PPP2R2B: variants seen among roughly 807,000 people sequenced by gnomAD.
PPP2R2B encodes the protein protein phosphatase 2 regulatory subunit Bbeta, also known as serine/threonine-protein phosphatase 2A 55 kDa regulatory subunit B beta isoform.
In PPP2R2B, 5 loss-of-function variants were observed where a neutral mutation model predicts 46.0. The observed-to-expected ratio is 0.11, with a 90% CI of 0.06 to 0.23. The LOEUF (loss-of-function observed/expected upper bound fraction) is 0.23. Among genes scored for constraint, PPP2R2B ranks in the 10% least tolerant of loss-of-function variants. The pLI, the probability that PPP2R2B is intolerant of heterozygous loss-of-function variation, is 1.00. For missense variants in PPP2R2B, 367 were observed against 575.0 expected, an observed-to-expected ratio of 0.64 and a Z score of 3.70; for synonymous variants, 215 against 206.7, an observed-to-expected ratio of 1.04 and a Z score of -0.34.
chr5:147,047,286 GGGA>G (rs1271875478), intron 1 of PPP2R2B, among the ~76,000 whole-genome samples: 1 of 152,026 alleles, frequency 6.6e-6, no homozygotes, highest in Non-Finnish European at 1.5e-5. Flanking sequence ...ACAAATATCT[GGGA>G]GGAGAATATT....
At chr5:146,964,245 T>C (rs1264633487) in intron 1 of PPP2R2B, among the ~76,000 whole-genome samples, 1 of 152,236 alleles carries the variant, frequency 6.6e-6, no homozygotes, top group Non-Finnish European at 1.5e-5. Context: ...TTAAACACTG[T>C]TGTGTGAGCT....
intron 5 of PPP2R2B, among the ~76,000 whole-genome samples, chr5:146,658,449 A>C (rs1776479224): frequency 6.6e-6 from 1 of 152,194 alleles, no homozygotes; most frequent in Non-Finnish European, 1.5e-5. Flanking sequence ...AGTTGTCATA[A>C]AAATGGGAGA....
chr5:146,783,273 A>G (rs1326712895), intron 2 of PPP2R2B, among the ~76,000 whole-genome samples: 1 of 152,200 alleles, frequency 6.6e-6, no homozygotes, highest in Non-Finnish European at 1.5e-5. Context: ...TACACTGCAT[A>G]ATCAGCTGGA....
chr5:146,685,387 C>T (rs1046930540), intron 5 of PPP2R2B, among the ~76,000 whole-genome samples: 4 of 152,240 alleles, frequency 2.6e-5, no homozygotes, highest in African/African-American at 7.2e-5. Flanking sequence ...CAAACAACTG[C>T]GCCCCAAGCC....
intron 1 of PPP2R2B, among the ~76,000 whole-genome samples, chr5:146,907,233 A>C (rs1763029365): frequency 6.6e-6 from 1 of 152,014 alleles, no homozygotes; most frequent in Admixed American, 6.6e-5. Context: ...CAGCAGATGT[A>C]GAAGTTAAAA....
chr5:146,588,991 G>A lies in PPP2R2B; in HGVS notation c.*956C>T, dbSNP rs569357993. ...AAAAGAACAGACCAGCCTTTCTCAG[G>A]GACTCAGGGGTGGTGGCACTGCTTC... On this transcript the variant is annotated 3_prime_UTR_variant, in exon 10 of 10. Coordinates refer to ENST00000394411, the MANE Select transcript of PPP2R2B (RefSeq NM_181675.4). 1.3e-5 allele frequency: 2 copies of A among 152,270 alleles called. No homozygotes were observed. Among genetic ancestry groups the A allele is most frequent in the African/African-American group, 4.8e-5 (2 of 41,520 alleles). 9.4% of individuals were successfully genotyped at this position (152,270 alleles called of 1,614,324 possible).
intron 1 of PPP2R2B, among the ~76,000 whole-genome samples, chr5:146,924,591 A>T (rs968197863): frequency 6.6e-6 from 1 of 152,190 alleles, no homozygotes; most frequent in Admixed American, 6.5e-5. Context: ...AGCTTCATAG[A>T]TGAACAACTT....
chr5:146,660,925 C>G (rs915972974), intron 5 of PPP2R2B, among the ~76,000 whole-genome samples: 1 of 152,150 alleles, frequency 6.6e-6, no homozygotes, highest in Non-Finnish European at 1.5e-5. Flanking sequence ...ATTAATGTCT[C>G]TAAGTAAATA....
chr5:146,675,820 T>TTC (rs142697000), intron 5 of PPP2R2B, among the ~76,000 whole-genome samples: 21 of 149,806 alleles, frequency 1.4e-4, no homozygotes, highest in Admixed American at 1.2e-3. Flanking sequence ...CCTCAGTCAC[T>TTC]TCTCTCTCTC....
intron 1 of PPP2R2B, among the ~76,000 whole-genome samples, chr5:146,916,697 T>A (rs1582420050): frequency 1.3e-5 from 2 of 152,126 alleles, no homozygotes; most frequent in African/African-American, 4.8e-5. Flanking sequence ...TGTAGTTGAG[T>A]GTTTAATGTT....
At chr5:146,894,257 A>C (rs1459952397) in intron 1 of PPP2R2B, among the ~76,000 whole-genome samples, 1 of 152,166 alleles carries the variant, frequency 6.6e-6, no homozygotes, top group African/African-American at 2.4e-5. Context: ...GTGCCTTCCC[A>C]TAACTCTTAG....
chr5:147,001,220 T>G (rs1017125367), intron 1 of PPP2R2B, among the ~76,000 whole-genome samples: 2 of 152,180 alleles, frequency 1.3e-5, no homozygotes, highest in Non-Finnish European at 2.9e-5. Flanking sequence ...GGCAACCTGC[T>G]CAGGTCCCCT....
intron 5 of PPP2R2B, among the ~76,000 whole-genome samples, chr5:146,670,598 C>T (rs1777288879): frequency 1.3e-5 from 2 of 151,940 alleles, no homozygotes; most frequent in African/African-American, 4.8e-5. Context: ...CGAGTTCAAA[C>T]AATTCTCTTG....
At chr5:146,921,691 T>C (rs1763613875) in intron 1 of PPP2R2B, among the ~76,000 whole-genome samples, 1 of 152,186 alleles carries the variant, frequency 6.6e-6, no homozygotes, top group Non-Finnish European at 1.5e-5. Flanking sequence ...AACTTCTATA[T>C]CAGTTCATCT....
At chr5:146,936,278 C>T (rs1035379032) in intron 1 of PPP2R2B, among the ~76,000 whole-genome samples, 1 of 151,964 alleles carries the variant, frequency 6.6e-6, no homozygotes, top group African/African-American at 2.4e-5. Flanking sequence ...TCATTTGATA[C>T]AATCATTGTG....
intron 2 of PPP2R2B, among the ~76,000 whole-genome samples, chr5:146,807,400 CCTAT>C (rs937854374): frequency 5.9e-5 from 9 of 152,102 alleles, no homozygotes; most frequent in African/African-American, 1.9e-4. Flanking sequence ...TTGGTTCTTC[CCTAT>C]CTTTTTCTCT....
chr5:146,810,532 C>CGG (rs1263156179), intron 2 of PPP2R2B, among the ~76,000 whole-genome samples: 5 of 152,072 alleles, frequency 3.3e-5, no homozygotes, highest in African/African-American at 1.2e-4. Flanking sequence ...ATACCAGATG[C>CGG]GGAAACTCAG....
At chr5:146,712,959 TTAAAAATAGA>T (rs1309445767) in intron 2 of PPP2R2B, among the ~76,000 whole-genome samples, 1 of 152,196 alleles carries the variant, frequency 6.6e-6, no homozygotes, top group African/African-American at 2.4e-5. Flanking sequence ...GAAAGATCAA[TTAAAAATAGA>T]TAAGATATCT....
At chr5:146,695,466 A>G in intron 4 of PPP2R2B, among the ~76,000 whole-genome samples, 1 of 152,188 alleles carries the variant, frequency 6.6e-6, no homozygotes, top group East Asian at 1.9e-4. Flanking sequence ...TTTTTTATTG[A>G]AATTGTAAGT....
Sources: allele counts gnomAD v4.1 joint callset (sites outside exome capture counted in the v4.1 genomes callset), GRCh38; gene constraint gnomAD v4.1.1; transcripts MANE v1.5; gene names NCBI Gene and HGNC (gene_info 2026-07-23, HGNC 2026-07-21).